The following NRG1 variants were observed in gnomAD, a reference collection of about 807,000 sequenced individuals.
NRG1 encodes the protein neuregulin 1, also known as pro-neuregulin-1, membrane-bound isoform.
NRG1 carries 18 observed loss-of-function variants against 63.8 expected under a neutral mutation model. The ratio of observed to expected loss-of-function variants is 0.28; its 90% CI spans 0.19 to 0.42. NRG1 has a LOEUF of 0.42. NRG1 is among the 10% of genes least tolerant of loss of function. NRG1 has a pLI of 1.00. For missense variants in NRG1, 762 were observed against 814.7 expected, an observed-to-expected ratio of 0.94 and a Z score of 0.79; for synonymous variants, 302 against 301.3, an observed-to-expected ratio of 1.00 and a Z score of -0.02.
intron 1 of NRG1, among the ~76,000 whole-genome samples, chr8:32,138,072 G>T (rs1056358245): frequency 2.0e-5 from 3 of 152,088 alleles, no homozygotes; most frequent in African/African-American, 7.2e-5. Flanking sequence ...TTGGAGAAGA[G>T]AGGAAGAGTA....
intron 1 of NRG1, among the ~76,000 whole-genome samples, chr8:32,229,129 A>G (rs1336501447): frequency 1.3e-5 from 2 of 152,182 alleles, no homozygotes; most frequent in South Asian, 2.1e-4. Flanking sequence ...CAATTAGTGC[A>G]CCGGAAAGAT....
At chr8:32,065,179 G>T (rs1330073800) in intron 1 of NRG1, among the ~76,000 whole-genome samples, 1 of 150,484 alleles carries the variant, frequency 6.6e-6, no homozygotes, top group Non-Finnish European at 1.5e-5. Flanking sequence ...TGTGGCCATC[G>T]ATTTTTTCTT....
intron 1 of NRG1, among the ~76,000 whole-genome samples, chr8:31,965,128 A>C (rs1485638947): frequency 6.6e-6 from 1 of 152,068 alleles, no homozygotes; most frequent in African/African-American, 2.4e-5. Context: ...CGAACATTGT[A>C]TTCCATGGCA....
At chr8:32,241,712 TGGGCA>T (rs1848113658) in intron 1 of NRG1, among the ~76,000 whole-genome samples, 1 of 132,014 alleles carries the variant, frequency 7.6e-6, no homozygotes, top group South Asian at 2.5e-4. Context: ...AATGTTGTCC[TGGGCA>T]GAGCAGTGTA....
chr8:32,717,575 C>T (rs558184676), intron 5 of NRG1, among the ~76,000 whole-genome samples: 14 of 152,162 alleles, frequency 9.2e-5, no homozygotes, highest in Non-Finnish European at 1.5e-4. Context: ...CTCAAACCTA[C>T]TTTTACTGCT....
At chr8:31,792,378 G>A (rs1319526987) in intron 1 of NRG1, among the ~76,000 whole-genome samples, 2 of 152,196 alleles carry the variant, frequency 1.3e-5, no homozygotes, top group East Asian at 3.8e-4. Context: ...CCAGTACACA[G>A]GAGGGTTGAA....
intron 1 of NRG1, among the ~76,000 whole-genome samples, chr8:32,242,156 T>C (rs1471928667): frequency 2.0e-5 from 3 of 152,084 alleles, no homozygotes; most frequent in African/African-American, 7.2e-5. Flanking sequence ...ATGCCTAAAT[T>C]GCAGGGTTTA....
chr8:32,280,236 C>T (rs978281517), intron 1 of NRG1, among the ~76,000 whole-genome samples: 2 of 152,220 alleles, frequency 1.3e-5, no homozygotes, highest in African/African-American at 4.8e-5. Flanking sequence ...ATCTAAATTC[C>T]GTTTGACTTC....
intron 1 of NRG1, among the ~76,000 whole-genome samples, chr8:32,475,482 T>C (rs1587861285): frequency 1.5e-5 from 1 of 68,700 alleles, no homozygotes; most frequent in Non-Finnish European, 3.2e-5. Context: ...AAAAAAAAAG[T>C]GCCTACTCAT....
intron 1 of NRG1, among the ~76,000 whole-genome samples, chr8:31,802,233 A>T (rs755416393): frequency 6.6e-6 from 1 of 152,192 alleles, no homozygotes; most frequent in Admixed American, 6.5e-5. Flanking sequence ...ACTCACAGAT[A>T]ATAGTGCAAG....
At chr8:32,762,442 A>G (rs1830896864) in intron 11 of NRG1, among the ~76,000 whole-genome samples, 1 of 152,166 alleles carries the variant, frequency 6.6e-6, no homozygotes, top group Non-Finnish European at 1.5e-5. Context: ...AATCACTTTT[A>G]TATGTTGGTT....
intron 1 of NRG1, among the ~76,000 whole-genome samples, chr8:32,323,045 A>G (rs1563314529): frequency 6.6e-6 from 1 of 152,102 alleles, no homozygotes; most frequent in Non-Finnish European, 1.5e-5. Context: ...ATTTAACTTA[A>G]TAACCTTCCG....
chr8:32,042,938 A>C (rs2130702321), intron 1 of NRG1, among the ~76,000 whole-genome samples: 1 of 142,964 alleles, frequency 7.0e-6, no homozygotes, highest in South Asian at 2.2e-4. Context: ...GGCTTTGAAA[A>C]TCCAGAAAGG....
chr8:32,586,296 T>A (rs4316113), intron 1 of NRG1, among the ~76,000 whole-genome samples: 38,832 of 151,454 alleles, frequency 0.26, 5,111 homozygotes, highest in South Asian at 0.33. Flanking sequence ...ACATTATAGT[T>A]GTTTTAAGAT....
chr8:31,742,360 T>G (rs1815365786), intron 1 of NRG1, among the ~76,000 whole-genome samples: 1 of 151,208 alleles, frequency 6.6e-6, no homozygotes, highest in Admixed American at 6.6e-5. Context: ...TCAAATTGTA[T>G]ATACATTTTA....
chr8:32,614,604 G>T (rs751896688), intron 4 of NRG1, 40 bp downstream of exon 4: 6 of 1,594,310 alleles, frequency 3.8e-6, no homozygotes, highest in Non-Finnish European at 4.3e-6. Context: ...TAACCAGAAT[G>T]ACAACCATAA....
At chr8:32,111,297 A>G (rs1831993136) in intron 1 of NRG1, among the ~76,000 whole-genome samples, 1 of 151,948 alleles carries the variant, frequency 6.6e-6, no homozygotes, top group Non-Finnish European at 1.5e-5. Context: ...TTGTATTTTT[A>G]GTAGAGACGG....
At chr8:32,556,502 T>C (rs1044699556) in intron 1 of NRG1, among the ~76,000 whole-genome samples, 1 of 152,218 alleles carries the variant, frequency 6.6e-6, no homozygotes, top group Non-Finnish European at 1.5e-5. Flanking sequence ...TTAACCACCA[T>C]TATTTCTACA....
At chr8:32,078,537 C>G (rs1279795579) in intron 1 of NRG1, among the ~76,000 whole-genome samples, 1 of 152,136 alleles carries the variant, frequency 6.6e-6, no homozygotes, top group Non-Finnish European at 1.5e-5. Flanking sequence ...AGGACCTGAC[C>G]TGATTTGCTA....
Sources: allele counts gnomAD v4.1 joint callset (sites outside exome capture counted in the v4.1 genomes callset), GRCh38; gene constraint gnomAD v4.1.1; transcripts MANE v1.5; gene names NCBI Gene and HGNC (gene_info 2026-07-23, HGNC 2026-07-21).